The following ABTB3 variants were observed in gnomAD, a reference collection of about 807,000 sequenced individuals.
ABTB3 encodes the protein ankyrin repeat- and BTB/POZ domain-containing protein 3.
the ABTB3 span, among the ~76,000 whole-genome samples, chr12:107,387,925 C>A: frequency 6.6e-6 from 1 of 151,826 alleles, no homozygotes; most frequent in Non-Finnish European, 1.5e-5. Flanking sequence ...GCTTCCCCTC[C>A]TCCTACTCCT....
chr12:107,584,919 T>G, the ABTB3 span, among the ~76,000 whole-genome samples: 1 of 152,202 alleles, frequency 6.6e-6, no homozygotes, highest in African/African-American at 2.4e-5. Context: ...CATTTATTCT[T>G]CCTTAATTAA....
At chr12:107,489,890 G>C in the ABTB3 span, among the ~76,000 whole-genome samples, 1 of 151,834 alleles carries the variant, frequency 6.6e-6, no homozygotes, top group Non-Finnish European at 1.5e-5. Context: ...CAAAGTGGTT[G>C]GGATTACAGG....
the ABTB3 span, among the ~76,000 whole-genome samples, chr12:107,338,130 TCCTC>T: frequency 2.0e-5 from 3 of 152,166 alleles, no homozygotes; most frequent in Non-Finnish European, 4.4e-5. Context: ...AACCTAATGT[TCCTC>T]CTGACTAACT....
the ABTB3 span, among the ~76,000 whole-genome samples, chr12:107,572,824 T>C: frequency 1.3e-4 from 20 of 152,192 alleles, no homozygotes; most frequent in South Asian, 1.7e-3. Context: ...AAGGTTGTTG[T>C]TATTCATGTA....
chr12:107,520,300 G>C, the ABTB3 span: 1 of 983,048 alleles, frequency 1.0e-6, no homozygotes, highest in African/African-American at 1.7e-5. Context: ...ACTTTGAAGA[G>C]ACCTTTGCAA....
At chr12:107,491,624 A>G in the ABTB3 span, among the ~76,000 whole-genome samples, 2 of 152,126 alleles carry the variant, frequency 1.3e-5, no homozygotes, top group African/African-American at 4.8e-5. Flanking sequence ...GGAGTTTGAG[A>G]CCAGCCTGGC....
At chr12:107,462,137 C>T in the ABTB3 span, among the ~76,000 whole-genome samples, 1 of 152,206 alleles carries the variant, frequency 6.6e-6, no homozygotes, top group Admixed American at 6.5e-5. Context: ...TTTGCACATC[C>T]TGGAAATCTT....
chr12:107,345,801 G>A, the ABTB3 span, among the ~76,000 whole-genome samples: 4 of 152,224 alleles, frequency 2.6e-5, no homozygotes, highest in African/African-American at 4.8e-5. Flanking sequence ...GTGGGACAAA[G>A]CCTGGGATCT....
the ABTB3 span, among the ~76,000 whole-genome samples, chr12:107,432,457 T>C: frequency 2.0e-5 from 3 of 152,210 alleles, no homozygotes; most frequent in Admixed American, 6.5e-5. Flanking sequence ...GCCCTGGCTT[T>C]CCTGAAGTCT....
the ABTB3 span, among the ~76,000 whole-genome samples, chr12:107,521,977 C>T: frequency 6.6e-6 from 1 of 152,028 alleles, no homozygotes; most frequent in Non-Finnish European, 1.5e-5. Context: ...GCTTAAAACA[C>T]AGACATTTAT....
At chr12:107,570,325 G>A in the ABTB3 span, among the ~76,000 whole-genome samples, 9 of 151,902 alleles carry the variant, frequency 5.9e-5, no homozygotes, top group African/African-American at 1.2e-4. Context: ...AGCGATTCTC[G>A]TGCCTCAGCC....
chr12:107,474,761 G>T, the ABTB3 span, among the ~76,000 whole-genome samples: 3 of 151,964 alleles, frequency 2.0e-5, no homozygotes, highest in African/African-American at 7.3e-5. Context: ...CACAGTGCTT[G>T]GTTCTTAAGG....
the ABTB3 span, among the ~76,000 whole-genome samples, chr12:107,446,731 G>A: frequency 6.6e-6 from 1 of 152,138 alleles, no homozygotes; most frequent in Non-Finnish European, 1.5e-5. Flanking sequence ...GGATTATCTG[G>A]TAGACACAGG....
At chr12:107,526,720 T>A in the ABTB3 span, among the ~76,000 whole-genome samples, 1 of 152,214 alleles carries the variant, frequency 6.6e-6, no homozygotes, top group Non-Finnish European at 1.5e-5. Context: ...CCCCAGGCAA[T>A]TAGGCAATCA....
the ABTB3 span, among the ~76,000 whole-genome samples, chr12:107,602,618 A>G: frequency 6.6e-6 from 1 of 152,258 alleles, no homozygotes; most frequent in Non-Finnish European, 1.5e-5. Context: ...ACTGGCCCCA[A>G]GATCACACAA....
chr12:107,507,285 G>A, the ABTB3 span, among the ~76,000 whole-genome samples: 1 of 152,106 alleles, frequency 6.6e-6, no homozygotes, highest in Non-Finnish European at 1.5e-5. Context: ...GAGAGTCCAG[G>A]GAAGCAGGAG....
chr12:107,644,310 A>G, the ABTB3 span, among the ~76,000 whole-genome samples: 10 of 152,316 alleles, frequency 6.6e-5, no homozygotes, highest in African/African-American at 2.4e-4. Flanking sequence ...TCAGCTGCAC[A>G]TTAGAATCAC....
At chr12:107,497,284 A>C in the ABTB3 span, among the ~76,000 whole-genome samples, 1 of 150,196 alleles carries the variant, frequency 6.7e-6, no homozygotes, top group Non-Finnish European at 1.5e-5. Flanking sequence ...CTTTATCCTC[A>C]ACACCACCAC....
At chr12:107,356,309 A>T in the ABTB3 span, among the ~76,000 whole-genome samples, 1 of 152,214 alleles carries the variant, frequency 6.6e-6, no homozygotes, top group Non-Finnish European at 1.5e-5. Flanking sequence ...TGAATTGATG[A>T]CAGAATGAAC....
Sources: gnomAD v4.1 joint callset for allele counts (sites outside exome capture counted in the v4.1 genomes callset) on GRCh38, gnomAD v4.1.1 for gene constraint, MANE v1.5 for transcripts, NCBI Gene and HGNC (gene_info 2026-07-23, HGNC 2026-07-21) for gene names.